Variants in ANK2 observed in about 807,000 individuals in gnomAD.
ANK2 encodes ankyrin 2.
ANK2 carries 83 observed loss-of-function variants against 360.5 expected under a neutral mutation model. That is an observed-to-expected ratio of 0.23 (90% confidence interval 0.19 to 0.28). ANK2 has a LOEUF of 0.28. Among genes scored for constraint, ANK2 ranks in the 10% least tolerant of loss-of-function variants. ANK2 has a pLI of 1.00. For synonymous variants in ANK2, 1,740 were observed against 1,759.5 expected (o/e 0.99, Z 0.28); for missense variants, 4,201 against 4,795.7 (o/e 0.88, Z 3.66).
At chr4:112,845,347 A>G (rs1318584297) in intron 1 of ANK2, among the ~76,000 whole-genome samples, 1 of 149,606 alleles carries the variant, frequency 6.7e-6, no homozygotes, top group East Asian at 2.0e-4. Flanking sequence ...TTTTCCCTGT[A>G]TATATAACTT....
intron 1 of ANK2, among the ~76,000 whole-genome samples, chr4:113,133,287 G>T (rs1223874150): frequency 6.6e-6 from 1 of 152,042 alleles, no homozygotes; most frequent in Non-Finnish European, 1.5e-5. Context: ...ATGTATCAAG[G>T]GTCCCAGGCA....
At chr4:112,706,945 G>T in the ANK2 span, 1 of 152,182 alleles carries the variant, frequency 6.6e-6, no homozygotes, top group South Asian at 2.1e-4. Flanking sequence ...TGTGATCTGT[G>T]ATTTGGTATC....
chr4:112,723,926 A>C, the ANK2 span, among the ~76,000 whole-genome samples: 1 of 152,208 alleles, frequency 6.6e-6, no homozygotes, highest in Non-Finnish European at 1.5e-5. Context: ...ATTTTAAAAT[A>C]TCAGTAAAGA....
the ANK2 span, among the ~76,000 whole-genome samples, chr4:112,738,054 A>G: frequency 6.6e-6 from 1 of 152,200 alleles, no homozygotes; most frequent in Non-Finnish European, 1.5e-5. Flanking sequence ...TAATTCCACA[A>G]TTATGTACTG....
rs558546256 is a variant in ANK2 at position 113,369,137 on chromosome 4, C to T, written c.11319-377C>T. Among the ~76,000 whole-genome samples the T allele has an allele frequency of 2.0e-5, 3 of 152,116 alleles. No individual in the cohort carries two copies. The East Asian group carries it at 5.8e-4, about 29-fold the overall frequency. ...TAATTCTGCCAAATTTTTATTCTTG[C>T]TTCAAAAGCCTTATTATCTACAAAT... On this transcript the variant is annotated intron_variant, in intron 42 of 45. Transcript: ENST00000357077.
chr4:113,326,435 TG>T (rs1462753553), intron 26 of ANK2, among the ~76,000 whole-genome samples: 6 of 152,196 alleles, frequency 3.9e-5, no homozygotes, highest in African/African-American at 1.4e-4. Flanking sequence ...TTTTATCAGT[TG>T]TTTGGCAATT....
chr4:113,020,550 GGCTGC>G (rs1179865199), intron 2 of ANK2, among the ~76,000 whole-genome samples: 1 of 152,046 alleles, frequency 6.6e-6, no homozygotes, highest in Non-Finnish European at 1.5e-5. Flanking sequence ...CAAAATGGCC[GGCTGC>G]GCTGGCTCAC....
At chr4:113,313,521 A>G (rs1156967398) in intron 24 of ANK2, among the ~76,000 whole-genome samples, 30 of 152,194 alleles carry the variant, frequency 2.0e-4, no homozygotes, top group Admixed American at 2.0e-3. Context: ...TTTCTAGATC[A>G]CTAGATGTAT....
chr4:112,793,128 C>T, the ANK2 span, among the ~76,000 whole-genome samples: 1 of 152,006 alleles, frequency 6.6e-6, no homozygotes, highest in African/African-American at 2.4e-5. Context: ...GCAAGAAAAA[C>T]TTAAAATTAA....
intron 1 of ANK2, among the ~76,000 whole-genome samples, chr4:113,143,806 C>T (rs899733965): frequency 2.6e-5 from 4 of 152,068 alleles, no homozygotes; most frequent in African/African-American, 9.7e-5. Context: ...TATAAGTACA[C>T]CATTAAACAT....
chr4:113,322,942 T>G (rs777738623), intron 26 of ANK2, among the ~76,000 whole-genome samples: 3 of 152,080 alleles, frequency 2.0e-5, no homozygotes, highest in Non-Finnish European at 4.4e-5. Flanking sequence ...TTCTTTTAGA[T>G]GAGGAAAGTT....
intron 1 of ANK2, among the ~76,000 whole-genome samples, chr4:113,140,629 G>T: frequency 6.6e-6 from 1 of 152,070 alleles, no homozygotes; most frequent in East Asian, 1.9e-4. Context: ...CCACTTTAAA[G>T]ACTCATGGCA....
chr4:113,271,945 A>G (rs759611582), intron 14 of ANK2, among the ~76,000 whole-genome samples: 2 of 152,140 alleles, frequency 1.3e-5, no homozygotes, highest in Non-Finnish European at 2.9e-5. Flanking sequence ...CCAGAGCCTG[A>G]CCATCTGGGA....
chr4:112,820,688 G>T (rs144741808), intron 1 of ANK2, among the ~76,000 whole-genome samples: 2,621 of 152,192 alleles, frequency 0.017, 85 homozygotes, highest in African/African-American at 0.057. Flanking sequence ...TCCTACCTTA[G>T]CCTCCCAAGT....
At chr4:113,030,040 AC>A (rs1220523289) in intron 2 of ANK2, among the ~76,000 whole-genome samples, 2 of 152,112 alleles carry the variant, frequency 1.3e-5, no homozygotes, top group Non-Finnish European at 2.9e-5. Flanking sequence ...ATTATCTAAA[AC>A]AAAAATGCAA....
intron 24 of ANK2, among the ~76,000 whole-genome samples, chr4:113,312,261 A>C (rs972979859): frequency 2.3e-4 from 35 of 151,242 alleles, no homozygotes; most frequent in Non-Finnish European, 4.1e-4. Flanking sequence ...ACATAGCAAG[A>C]CACTGTCTCT....
In ANK2 at chr4:113,258,067, G is replaced by T. The variant is rs1287228280; in HGVS notation, c.1206G>T (p.Leu402=). 1 of 1,614,124 alleles carries T rather than the reference G, an allele frequency of 6.2e-7. No individual in the cohort carries two copies. Among genetic ancestry groups the T allele is most frequent in the Admixed American group, 1.7e-5 (1 of 60,004 alleles). ...TTGCACAGAATGGTTTTACTCCACT[G>T]CACATTGCCTGCAAGAAAAACCGCA... The part of the protein sequence containing the change: ...NARALNGFTP[L]HIACKKNRIK... The change falls in exon 12 of 46, where the codon CTG becomes CTT. Residue 402 remains leucine (L), a synonymous_variant. Coordinates refer to ENST00000357077, the MANE Select transcript of ANK2 (RefSeq NM_001148.6).
chr4:113,281,576 C>A (rs1464673074), intron 17 of ANK2, among the ~76,000 whole-genome samples: 1 of 152,072 alleles, frequency 6.6e-6, no homozygotes, highest in Non-Finnish European at 1.5e-5. Context: ...GGTAATCTCA[C>A]AAGAAGCACT....
At chr4:113,052,611 T>A (rs2067587764) in intron 1 of ANK2, among the ~76,000 whole-genome samples, 1 of 152,198 alleles carries the variant, frequency 6.6e-6, no homozygotes, top group South Asian at 2.1e-4. Context: ...ACTGAGTGTG[T>A]TGAGAATAGA....
Sources: gnomAD v4.1 joint callset for allele counts (sites outside exome capture counted in the v4.1 genomes callset) on GRCh38, gnomAD v4.1.1 for gene constraint, MANE v1.5 for transcripts, NCBI Gene and HGNC (gene_info 2026-07-23, HGNC 2026-07-21) for gene names.